The following FIGN variants were observed in gnomAD, a reference collection of about 807,000 sequenced individuals.
The protein encoded by FIGN is fidgetin, microtubule severing factor.
FIGN carries 11 observed loss-of-function variants against 51.3 expected under a neutral mutation model. The ratio of observed to expected loss-of-function variants is 0.21; its 90% confidence interval spans 0.13 to 0.35. The LOEUF is 0.35. Ranked by LOEUF, FIGN falls within the 10% of genes least tolerant of loss-of-function variation. The probability of loss-of-function intolerance (pLI) is 1.00; values close to 1 mark genes in which losing one functional copy is unlikely to be tolerated. For missense variants in FIGN, 857 were observed against 943.6 expected, an observed-to-expected ratio of 0.91 and a Z score of 1.20; for synonymous variants, 407 against 363.2, an observed-to-expected ratio of 1.12 and a Z score of -1.37.
At chr2:163,660,850 T>C (rs372788136) in intron 2 of FIGN, among the ~76,000 whole-genome samples, 5 of 58,602 alleles carry the variant, frequency 8.5e-5, no homozygotes, top group African/African-American at 3.0e-4. Flanking sequence ...TACATATATA[T>C]ATGTATACAT....
Position 163,729,722 on chromosome 2 carries a change from T to C in FIGN, c.25+5181A>G, listed in dbSNP as rs530426293. 2.1e-4 allele frequency among the ~76,000 whole-genome samples: 32 copies of C among 152,328 alleles called. No individual in the cohort carries two copies. The South Asian group carries it at 4.6e-3, about 22-fold the overall frequency. ...TTTCAAAAATGATTGGAAGCAGTGATACTATAAATGCTTTGTGAAAGTCAT... is the reference window on the plus strand; with the variant it reads ...TTTCAAAAATGATTGGAAGCAGTGACACTATAAATGCTTTGTGAAAGTCAT... On this transcript the variant is annotated intron_variant, in intron 2 of 2. Transcript: ENST00000333129.
At chr2:163,730,893 C>T (rs1053398091) in intron 2 of FIGN, among the ~76,000 whole-genome samples, 9 of 152,066 alleles carry the variant, frequency 5.9e-5, no homozygotes, top group Non-Finnish European at 1.3e-4. Flanking sequence ...ACAATGAACA[C>T]AGTACTTTAT....
In FIGN at chr2:163,603,613, T is replaced by C. The variant is rs1215080882; in HGVS notation, c.*5939A>G. Reference sequence around the variant, plus strand: ...TGTAAGTGAAAGGATTGGATGCCACTTTGTTAATGAAACTTAAAGAATAGA... The same window carrying C: ...TGTAAGTGAAAGGATTGGATGCCACCTTGTTAATGAAACTTAAAGAATAGA... On this transcript the variant is annotated 3_prime_UTR_variant, in exon 3 of 3. Transcript: ENST00000333129. 1 of 152,130 alleles carries C rather than the reference T, an allele frequency of 6.6e-6. No individual in the cohort carries two copies. The highest frequency in any genetic ancestry group is 1.5e-5 in the Non-Finnish European group (1 of 67,992). 9.4% of individuals were successfully genotyped at this position (152,130 alleles called of 1,614,324 possible).
At chr2:163,666,766 C>G (rs6432769) in intron 2 of FIGN, among the ~76,000 whole-genome samples, 149,956 of 152,090 alleles carry the variant, frequency 0.99, 73,932 homozygotes, top group Non-Finnish European at 1. Flanking sequence ...GGACACAAAG[C>G]CTCAAAGAAG....
Position 163,675,658 on chromosome 2 carries a change from T to C in FIGN, c.25+59245A>G, listed in dbSNP as rs1489209762. 2.6e-5 allele frequency among the ~76,000 whole-genome samples: 4 copies of C among 151,792 alleles called. No individual in the cohort carries two copies. In the East Asian group the frequency reaches 7.7e-4, roughly 29 times the overall value. Reference sequence around the variant, plus strand: ...CTTGTGTTTCTAGCATAATTCTTTTTCTACTTGCCAAGTCCCTTTACTTGA... The same window carrying C: ...CTTGTGTTTCTAGCATAATTCTTTTCCTACTTGCCAAGTCCCTTTACTTGA... On this transcript the variant is annotated intron_variant, in intron 2 of 2. Coordinates refer to ENST00000333129, the MANE Select transcript of FIGN (RefSeq NM_018086.4).
intron 2 of FIGN, chr2:163,617,005 A>G (rs949340726): frequency 2.0e-5 from 13 of 640,328 alleles, no homozygotes; most frequent in African/African-American, 2.0e-4. Flanking sequence ...TCATTCTTCA[A>G]TGGGAGTGAT....
intron 2 of FIGN, among the ~76,000 whole-genome samples, chr2:163,638,830 G>A (rs2105315257): frequency 6.6e-6 from 1 of 152,166 alleles, no homozygotes; most frequent in East Asian, 1.9e-4. Flanking sequence ...ACATTTCAAT[G>A]AGACAGAAGT....
Position 163,729,146 on chromosome 2 carries a change from C to A in FIGN, c.25+5757G>T, listed in dbSNP as rs185208295. On this transcript the variant is annotated intron_variant, in intron 2 of 2. Transcript: ENST00000333129. ...ATTTAATTATCAGTTGTTTAAAAAG[C>A]ATCCAGTTGACATAAGGCAAACAGT... Among the ~76,000 whole-genome samples, 84 of 152,160 alleles carry A rather than the reference C, an allele frequency of 5.5e-4. No homozygotes were observed. The South Asian group carries it at 7.5e-3, about 14-fold the overall frequency.
chr2:163,635,045 T>C (rs768549253), intron 2 of FIGN, among the ~76,000 whole-genome samples: 1 of 152,210 alleles, frequency 6.6e-6, no homozygotes, highest in Non-Finnish European at 1.5e-5. Context: ...AGCTAAATAA[T>C]ACCTGTTGCT....
chr2:163,609,645 A>T lies in FIGN; in HGVS notation c.2187T>A (p.Phe729Leu). 1 of 1,614,098 alleles carries T rather than the reference A, an allele frequency of 6.2e-7. No individual in the cohort carries two copies. The highest frequency in any genetic ancestry group is 8.5e-7 in the Non-Finnish European group (1 of 1,180,016). The part of the protein sequence containing the change: ...SQLRPVTYQD[F>L]ENAFCKIQPS... The stretch of plus-strand genomic sequence containing the variant: ...GCTGAATCTTGCAGAAAGCATTTTC[A>T]AAGTCTTGATATGTAACGGGCCTCA... Residue 729 changes from phenylalanine to leucine, a missense_variant, in exon 3 of 3, where the codon TTT becomes TTA. Around this residue, in one of 3 missense-constraint regions of FIGN, gnomAD observed 799 missense variants for 849.5 expected, o/e 0.94. Transcript: ENST00000333129.
At chr2:163,657,227 T>C (rs1280290049) in intron 2 of FIGN, among the ~76,000 whole-genome samples, 2 of 152,092 alleles carry the variant, frequency 1.3e-5, no homozygotes, top group East Asian at 3.9e-4. Context: ...AATCTAGTAC[T>C]AATTTGATGT....
intron 2 of FIGN, among the ~76,000 whole-genome samples, chr2:163,613,753 C>T (rs1682820413): frequency 6.6e-6 from 1 of 152,182 alleles, no homozygotes; most frequent in Non-Finnish European, 1.5e-5. Flanking sequence ...GCAGTAATTA[C>T]ACAATAAATG....
chr2:163,615,428 T>G (rs1040617386), intron 2 of FIGN, among the ~76,000 whole-genome samples: 11 of 152,186 alleles, frequency 7.2e-5, no homozygotes, highest in Non-Finnish European at 1.5e-4. Context: ...TTCCTTGAAT[T>G]TTAACACTAA....
intron 2 of FIGN, among the ~76,000 whole-genome samples, chr2:163,627,919 C>G (rs1683081495): frequency 6.6e-6 from 1 of 152,066 alleles, no homozygotes; most frequent in Non-Finnish European, 1.5e-5. Flanking sequence ...TCCCTGCTGT[C>G]AAGTAGTTTA....
At chr2:163,723,142 G>A (rs1181915266) in intron 2 of FIGN, among the ~76,000 whole-genome samples, 1 of 151,874 alleles carries the variant, frequency 6.6e-6, no homozygotes, top group African/African-American at 2.4e-5. Flanking sequence ...AGTGAGCCGA[G>A]ATCGCGCCAC....
At chr2:163,720,448 T>C (rs1684739480) in intron 2 of FIGN, among the ~76,000 whole-genome samples, 1 of 152,232 alleles carries the variant, frequency 6.6e-6, no homozygotes, top group Non-Finnish European at 1.5e-5. Flanking sequence ...AAGAGTCCAT[T>C]AGAAAACATT....
intron 2 of FIGN, among the ~76,000 whole-genome samples, chr2:163,643,955 A>AAAAAAAAAAAC (rs1683344790): frequency 6.7e-6 from 1 of 148,986 alleles, no homozygotes; most frequent in Non-Finnish European, 1.5e-5. Context: ...AAAAAAAAAA[A>AAAAAAAAAAAC]AAAGTCAGAA....
In FIGN at chr2:163,660,732, C is replaced by G. The variant is rs1400923222; in HGVS notation, c.26-48926G>C. Among the ~76,000 whole-genome samples the G allele has an allele frequency of 5.1e-4, 50 of 97,276 alleles. 2 individuals are homozygous for G. The highest frequency in any genetic ancestry group is 2.4e-3 in the African/African-American group (49 of 20,256). 63.8% of individuals were successfully genotyped at this position (97,276 alleles called of 152,430 possible). A position where few individuals can be genotyped will look rare whatever the true frequency, so the allele number is the denominator to read the frequency against. On this transcript the variant is annotated intron_variant, in intron 2 of 2. Coordinates refer to ENST00000333129, the MANE Select transcript of FIGN (RefSeq NM_018086.4). ...ACACATATACATATATATGTATACA[C>G]ATATACATATATATGTATACACATA...
At chr2:163,699,028 A>G (rs757235953) in intron 2 of FIGN, among the ~76,000 whole-genome samples, 4 of 152,146 alleles carry the variant, frequency 2.6e-5, no homozygotes, top group Non-Finnish European at 5.9e-5. Flanking sequence ...TGGGGAGAGG[A>G]AAACCCTCCC....
Sources: gnomAD v4.1 joint callset for allele counts (sites outside exome capture counted in the v4.1 genomes callset) on GRCh38, gnomAD v4.1.1 for gene constraint, gnomAD v4.1.1 regional missense constraint, MANE v1.5 for transcripts, NCBI Gene and HGNC (gene_info 2026-07-23, HGNC 2026-07-21) for gene names.